RBFOX1: variants seen among roughly 807,000 people sequenced by gnomAD.
RBFOX1 encodes the protein RNA binding protein fox-1 homolog 1.
RBFOX1 carries 8 observed loss-of-function variants against 57.7 expected under a neutral mutation model. That is an observed-to-expected ratio of 0.14 (90% CI 0.08 to 0.25). RBFOX1 has a LOEUF of 0.25. Ranked by LOEUF, RBFOX1 falls within the 10% of genes least tolerant of loss-of-function variation. The pLI is 1.00. For missense variants in RBFOX1, 611 were observed against 548.5 expected (o/e 1.11, Z -1.14); for synonymous variants, 326 against 222.4 (o/e 1.47, Z -4.15).
intron 3 of RBFOX1, among the ~76,000 whole-genome samples, chr16:5,758,563 C>T (rs188220603): frequency 2.0e-5 from 3 of 152,296 alleles, no homozygotes; most frequent in African/African-American, 7.2e-5. Flanking sequence ...CATTGTTTTA[C>T]AGTGACACTC....
intron 3 of RBFOX1, among the ~76,000 whole-genome samples, chr16:6,934,826 A>G (rs928413484): frequency 1.3e-5 from 2 of 152,066 alleles, no homozygotes; most frequent in Admixed American, 6.6e-5. Flanking sequence ...TGGCTCCTGC[A>G]GGTAATCCCA....
At chr16:5,948,929 G>A (rs1057106791) in intron 4 of RBFOX1, among the ~76,000 whole-genome samples, 2 of 152,166 alleles carry the variant, frequency 1.3e-5, no homozygotes, top group African/African-American at 2.4e-5. Flanking sequence ...CACAACAACA[G>A]ATGTTTCAAT....
chr16:7,553,177 C>T (rs2087132526), intron 5 of RBFOX1, among the ~76,000 whole-genome samples: 1 of 152,042 alleles, frequency 6.6e-6, no homozygotes, highest in South Asian at 2.1e-4. Context: ...CAGGGTCTTT[C>T]TCTGTCTCCC....
intron 7 of RBFOX1, among the ~76,000 whole-genome samples, chr16:7,593,595 C>T (rs987663850): frequency 4.6e-5 from 7 of 152,140 alleles, no homozygotes; most frequent in South Asian, 2.1e-4. Flanking sequence ...AGTAAAGAAA[C>T]GTTATTTTTC....
intron 4 of RBFOX1, among the ~76,000 whole-genome samples, chr16:5,898,542 C>G (rs1274978368): frequency 6.9e-6 from 1 of 145,086 alleles, no homozygotes; most frequent in Non-Finnish European, 1.5e-5. Context: ...TTTTTTTGGT[C>G]ATCTACATGT....
intron 10 of RBFOX1, among the ~76,000 whole-genome samples, chr16:7,617,129 G>C (rs3785237): frequency 0.39 from 59,381 of 152,114 alleles, 13,691 homozygotes; most frequent in Non-Finnish European, 0.5. Flanking sequence ...AGTTATGAAA[G>C]AGAAAAGAAT....
At chr16:5,339,470 G>GTGTTTTT (rs2064982294) in intron 1 of RBFOX1, among the ~76,000 whole-genome samples, 3 of 40,888 alleles carry the variant, frequency 7.3e-5, no homozygotes, top group Admixed American at 9.3e-4. Flanking sequence ...CTTTTTCCGT[G>GTGTTTTT]TTTTTTTTTT....
chr16:7,295,175 A>T (rs188961696), intron 4 of RBFOX1, among the ~76,000 whole-genome samples: 11 of 152,328 alleles, frequency 7.2e-5, no homozygotes, highest in African/African-American at 2.4e-4. Context: ...CATTTGATTC[A>T]TTAGCAAGGT....
chr16:6,848,051 C>G (rs1231273759), intron 3 of RBFOX1, among the ~76,000 whole-genome samples: 2 of 151,972 alleles, frequency 1.3e-5, no homozygotes, highest in East Asian at 3.9e-4. Flanking sequence ...AGGCTGGTCT[C>G]CAACTCCTGA....
intron 3 of RBFOX1, among the ~76,000 whole-genome samples, chr16:6,699,648 C>T (rs1007700844): frequency 6.6e-6 from 1 of 152,162 alleles, no homozygotes; most frequent in Admixed American, 6.5e-5. Context: ...ACTCATCTGT[C>T]AACCAGCCCC....
chr16:5,879,085 T>C (rs1017872163), intron 4 of RBFOX1, among the ~76,000 whole-genome samples: 5 of 152,282 alleles, frequency 3.3e-5, no homozygotes, highest in Admixed American at 2.0e-4. Context: ...CAAGTAGATA[T>C]TGAGTAGATA....
intron 1 of RBFOX1, among the ~76,000 whole-genome samples, chr16:5,465,061 C>T (rs1372474587): frequency 6.6e-6 from 1 of 152,186 alleles, no homozygotes; most frequent in Non-Finnish European, 1.5e-5. Flanking sequence ...AAAGCCATAT[C>T]TGCCTGGGTG....
intron 1 of RBFOX1, among the ~76,000 whole-genome samples, chr16:6,182,416 G>A (rs1176022195): frequency 6.6e-6 from 1 of 152,140 alleles, no homozygotes; most frequent in African/African-American, 2.4e-5. Context: ...ATTAATGTAT[G>A]CATGTTTTCT....
intron 4 of RBFOX1, among the ~76,000 whole-genome samples, chr16:5,981,615 C>A (rs1479487124): frequency 6.6e-6 from 1 of 152,034 alleles, no homozygotes; most frequent in Admixed American, 6.6e-5. Flanking sequence ...ATTATAGGTG[C>A]CCACTATCAG....
intron 4 of RBFOX1, among the ~76,000 whole-genome samples, chr16:7,126,027 G>A (rs1393879793): frequency 6.6e-6 from 1 of 152,104 alleles, no homozygotes; most frequent in Non-Finnish European, 1.5e-5. Context: ...AGGTTGCAGT[G>A]AGCTGAGATC....
rs115724599 is a variant in RBFOX1, at chr16:6,847,795, G to A, written c.-16+193145G>A. Among the ~76,000 whole-genome samples the A allele has an allele frequency of 7.2e-3, 1,098 of 152,032 alleles. 21 individuals are homozygous for A. The highest frequency in any genetic ancestry group is 0.025 in the African/African-American group (1,050 of 41,474). On this transcript the variant is annotated intron_variant, in intron 3 of 15. Transcript: ENST00000550418. ...TGGCTTAGAAATTAAATAAAATCTGGTAATTTTACTATGAAAAAAATTATT... is the reference window on the plus strand; with the variant it reads ...TGGCTTAGAAATTAAATAAAATCTGATAATTTTACTATGAAAAAAATTATT...
intron 1 of RBFOX1, among the ~76,000 whole-genome samples, chr16:5,346,680 G>A (rs2065147701): frequency 6.6e-6 from 1 of 152,170 alleles, no homozygotes; most frequent in Non-Finnish European, 1.5e-5. Flanking sequence ...GGAGTGGAGT[G>A]AGATGAAACA....
At chr16:6,935,726 A>G (rs2077255653) in intron 3 of RBFOX1, among the ~76,000 whole-genome samples, 1 of 152,142 alleles carries the variant, frequency 6.6e-6, no homozygotes, top group South Asian at 2.1e-4. Context: ...GCTAAGCGAG[A>G]CATCTTCCTT....
intron 3 of RBFOX1, among the ~76,000 whole-genome samples, chr16:5,631,985 C>G (rs1033107522): frequency 6.6e-6 from 1 of 152,144 alleles, no homozygotes; most frequent in African/African-American, 2.4e-5. Context: ...TGTTTGCTCT[C>G]TATAAGCTTC....
Sources: gnomAD v4.1 joint callset for allele counts (sites outside exome capture counted in the v4.1 genomes callset) on GRCh38, gnomAD v4.1.1 for gene constraint, MANE v1.5 for transcripts, NCBI Gene and HGNC (gene_info 2026-07-23, HGNC 2026-07-21) for gene names.